SGCZ: variants seen among roughly 807,000 people sequenced by gnomAD.
The protein encoded by SGCZ is zeta-sarcoglycan.
Under a neutral mutation model 41.3 loss-of-function variants are expected in SGCZ, and 40 were observed. The observed-to-expected ratio is 0.97, with a 90% confidence interval of 0.75 to 1.26. The LOEUF is 1.26. Among genes scored for constraint, SGCZ ranks in the 50% most tolerant of loss-of-function variants. The probability of loss-of-function intolerance (pLI) is 0.00; values close to 1 mark genes in which losing one functional copy is unlikely to be tolerated. For missense variants in SGCZ, 552 were observed against 369.8 expected, an observed-to-expected ratio of 1.49 and a Z score of -4.04; for synonymous variants, 206 against 137.5, an observed-to-expected ratio of 1.50 and a Z score of -3.49.
At chr8:14,094,897 C>G (rs976283299) in intron 7 of SGCZ, among the ~76,000 whole-genome samples, 2 of 152,116 alleles carry the variant, frequency 1.3e-5, no homozygotes, top group African/African-American at 4.8e-5. Flanking sequence ...TGATGAAGAG[C>G]TTTTTTTCAT....
At chr8:14,103,454 T>G (rs1394635068) in intron 6 of SGCZ, among the ~76,000 whole-genome samples, 1 of 152,178 alleles carries the variant, frequency 6.6e-6, no homozygotes, top group Non-Finnish European at 1.5e-5. Context: ...TCACATTCAC[T>G]GTTATCCAGC....
chr8:14,769,313 G>A (rs1403108505), intron 1 of SGCZ, among the ~76,000 whole-genome samples: 2 of 152,108 alleles, frequency 1.3e-5, no homozygotes, highest in East Asian at 3.9e-4. Flanking sequence ...AACCCTTTCT[G>A]CAAATAAACA....
At chr8:14,152,444 G>A (rs998953373) in intron 5 of SGCZ, among the ~76,000 whole-genome samples, 5 of 152,090 alleles carry the variant, frequency 3.3e-5, no homozygotes, top group Admixed American at 6.6e-5. Flanking sequence ...TGGGAGGATC[G>A]CTTGAGCCCA....
intron 1 of SGCZ, among the ~76,000 whole-genome samples, chr8:14,575,733 C>T (rs927024583): frequency 6.6e-6 from 1 of 151,564 alleles, no homozygotes; most frequent in Admixed American, 6.6e-5. Flanking sequence ...ATGGTGAAAC[C>T]CCATCTCTAC....
chr8:14,224,980 C>T (rs1806323801), intron 4 of SGCZ, among the ~76,000 whole-genome samples: 1 of 152,128 alleles, frequency 6.6e-6, no homozygotes, highest in Non-Finnish European at 1.5e-5. Context: ...CAGCCAGTAA[C>T]CCTGTGAACT....
At chr8:14,527,439 C>T (rs1276226071) in intron 2 of SGCZ, among the ~76,000 whole-genome samples, 2 of 152,096 alleles carry the variant, frequency 1.3e-5, no homozygotes, top group Admixed American at 1.3e-4. Flanking sequence ...GTAGCTGGGA[C>T]TACAGATGTT....
At chr8:14,299,929 G>T (rs1471707609) in intron 3 of SGCZ, among the ~76,000 whole-genome samples, 1 of 151,858 alleles carries the variant, frequency 6.6e-6, no homozygotes, top group South Asian at 2.1e-4. Flanking sequence ...CTGCATTGCT[G>T]AATGATCAAA....
intron 1 of SGCZ, among the ~76,000 whole-genome samples, chr8:14,904,065 T>A (rs1799051349): frequency 6.6e-6 from 1 of 152,076 alleles, no homozygotes. Context: ...AACTTGTTGA[T>A]AAAGCTATCA....
chr8:15,104,177 A>G (rs1458515558), intron 1 of SGCZ, among the ~76,000 whole-genome samples: 1 of 152,198 alleles, frequency 6.6e-6, no homozygotes, highest in East Asian at 1.9e-4. Context: ...TCTGGTTTCA[A>G]TAACTCTGTT....
intron 1 of SGCZ, among the ~76,000 whole-genome samples, chr8:15,226,977 G>A (rs570277342): frequency 6.1e-4 from 93 of 152,234 alleles, no homozygotes; most frequent in African/African-American, 2.0e-3. Context: ...AAGAACATAC[G>A]ACAGGAGGGG....
chr8:14,132,080 T>C (rs1439311085), intron 5 of SGCZ, among the ~76,000 whole-genome samples: 1 of 152,162 alleles, frequency 6.6e-6, no homozygotes, highest in Non-Finnish European at 1.5e-5. Context: ...ATGATACATA[T>C]ATTGGTCCAT....
At chr8:15,043,567 T>C (rs1357918108) in intron 1 of SGCZ, among the ~76,000 whole-genome samples, 1 of 152,156 alleles carries the variant, frequency 6.6e-6, no homozygotes, top group African/African-American at 2.4e-5. Flanking sequence ...AACATCATTT[T>C]TCCTGTTATT....
At chr8:14,680,975 A>AC (rs1554479489) in intron 1 of SGCZ, among the ~76,000 whole-genome samples, 2 of 150,528 alleles carry the variant, frequency 1.3e-5, no homozygotes, top group Non-Finnish European at 3.0e-5. Context: ...AAAAAAAAAA[A>AC]AAAAAACAGA....
chr8:14,659,441 AT>A (rs1341663663), intron 1 of SGCZ, among the ~76,000 whole-genome samples: 2 of 152,148 alleles, frequency 1.3e-5, no homozygotes, highest in African/African-American at 4.8e-5. Context: ...CTTTTCTCAA[AT>A]TTTTTACAGG....
intron 1 of SGCZ, among the ~76,000 whole-genome samples, chr8:14,953,292 C>G (rs7387381): frequency 0.59 from 89,719 of 151,838 alleles, 26,979 homozygotes; most frequent in African/African-American, 0.69. Context: ...GAGAGACAGT[C>G]CCAAGGGGGA....
At chr8:14,518,894 C>A (rs867500782) in intron 2 of SGCZ, among the ~76,000 whole-genome samples, 2,680 of 128,206 alleles carry the variant, frequency 0.021, 69 homozygotes, top group African/African-American at 0.055. Context: ...CCATCTCTAC[C>A]AAAAAAAAAA....
At chr8:14,458,704 T>TCTAC (rs911427099) in intron 2 of SGCZ, among the ~76,000 whole-genome samples, 4 of 152,118 alleles carry the variant, frequency 2.6e-5, no homozygotes, top group African/African-American at 4.8e-5. Flanking sequence ...TATCTATATA[T>TCTAC]CTACCTACCT....
At chr8:14,772,783 T>A (rs1292352939) in intron 1 of SGCZ, among the ~76,000 whole-genome samples, 2 of 152,114 alleles carry the variant, frequency 1.3e-5, no homozygotes, top group Non-Finnish European at 2.9e-5. Flanking sequence ...CTGCATAGTA[T>A]TCCATGGTGT....
intron 1 of SGCZ, among the ~76,000 whole-genome samples, chr8:14,773,427 C>T (rs1286013648): frequency 6.6e-6 from 1 of 152,082 alleles, no homozygotes; most frequent in Non-Finnish European, 1.5e-5. Context: ...TGTTCCTGGT[C>T]GTGGGTTTTC....
Sources: allele counts gnomAD v4.1 joint callset (sites outside exome capture counted in the v4.1 genomes callset), GRCh38; gene constraint gnomAD v4.1.1; transcripts MANE v1.5; gene names NCBI Gene and HGNC (gene_info 2026-07-23, HGNC 2026-07-21).